DENND5A: variants seen among roughly 807,000 people sequenced by gnomAD.
The protein encoded by DENND5A is DENN domain containing 5A.
DENND5A carries 64 observed loss-of-function variants against 140.3 expected under a neutral mutation model. The ratio of observed to expected loss-of-function variants is 0.46; its 90% CI spans 0.37 to 0.56. The LOEUF (loss-of-function observed/expected upper bound fraction) is 0.56. Ranked by LOEUF, DENND5A falls within the 20% of genes least tolerant of loss-of-function variation. The pLI is 0.00. For missense variants in DENND5A, 1,292 were observed against 1,593.8 expected (o/e 0.81, Z 3.22); for synonymous variants, 605 against 607.7 (o/e 1.00, Z 0.07).
chr11:9,139,797 G>A lies in DENND5A; in HGVS notation c.3738C>T (p.His1246=). ...TGATCAGTGCCACATCCTCATACAT[G>A]TGTGCAGTGATGGGGCAGTCAGCCA... ...ALLADCPITA[H]MYEDVALIKD... The change falls in exon 23 of 23, where the codon CAC becomes CAT. Residue 1246 remains histidine (H), a synonymous_variant. Coordinates refer to ENST00000328194, the MANE Select transcript of DENND5A (RefSeq NM_015213.4). The A allele has an allele frequency of 1.2e-6, 2 of 1,614,176 alleles. No homozygotes were observed. The highest frequency in any genetic ancestry group is 8.5e-7 in the Non-Finnish European group (1 of 1,180,020).
intron 6 of DENND5A, 113 bp from the exon 7 acceptor site, chr11:9,179,186 C>A: frequency 1.1e-6 from 1 of 877,370 alleles, no homozygotes; most frequent in Non-Finnish European, 1.7e-6. Flanking sequence ...ATTTACTTAG[C>A]AGGAAATGAT....
At chr11:9,153,423 G>T (rs1847700505) in intron 12 of DENND5A, among the ~76,000 whole-genome samples, 1 of 148,908 alleles carries the variant, frequency 6.7e-6, no homozygotes, top group Non-Finnish European at 1.5e-5. Context: ...ATGTCAGCTT[G>T]ATGGCTTTTG....
chr11:9,249,165 T>C (rs973650888), intron 1 of DENND5A, among the ~76,000 whole-genome samples: 10 of 151,606 alleles, frequency 6.6e-5, no homozygotes, highest in Non-Finnish European at 1.2e-4. Context: ...GAGGTGGAGC[T>C]TGCAGTGAGC....
intron 1 of DENND5A, among the ~76,000 whole-genome samples, chr11:9,237,057 G>C (rs1401985181): frequency 1.3e-5 from 2 of 152,078 alleles, no homozygotes; most frequent in Non-Finnish European, 2.9e-5. Context: ...ACAATTCATA[G>C]AATAAACAAA....
intron 1 of DENND5A, among the ~76,000 whole-genome samples, chr11:9,211,318 C>G (rs916175733): frequency 6.6e-6 from 1 of 152,028 alleles, no homozygotes; most frequent in Non-Finnish European, 1.5e-5. Flanking sequence ...CCCTGAAACA[C>G]GCATGCATGG....
intron 11 of DENND5A, among the ~76,000 whole-genome samples, chr11:9,162,752 G>A (rs917550291): frequency 1.3e-5 from 2 of 152,016 alleles, no homozygotes; most frequent in African/African-American, 4.8e-5. Flanking sequence ...CTAGACTGGA[G>A]TGCAGTGGCT....
chr11:9,222,318 C>A (rs1240494900), intron 1 of DENND5A, among the ~76,000 whole-genome samples: 3 of 152,018 alleles, frequency 2.0e-5, no homozygotes, highest in Non-Finnish European at 4.4e-5. Flanking sequence ...TTTAACATAA[C>A]CTCAATACTA....
At position 9,236,235 on chromosome 11, in the gene DENND5A, A is replaced by C. The variant is rs550775298; in HGVS notation, c.110-28603T>G. 4.0e-4 allele frequency among the ~76,000 whole-genome samples: 58 copies of C among 145,748 alleles called. No homozygotes were observed. The South Asian group carries it at 0.011, about 28-fold the overall frequency. ...GAGACCCTGTCTCAAAAAAAAAAAA[A>C]AAACAAATAAAGTTCGCTGGGCGCA... On this transcript the variant is annotated intron_variant, in intron 1 of 22. Transcript: ENST00000328194.
chr11:9,175,354 A>G (rs1848513390), intron 8 of DENND5A: 1 of 152,174 alleles, frequency 6.6e-6, no homozygotes, highest in Non-Finnish European at 1.5e-5. Flanking sequence ...ATTAAAGATG[A>G]CCTAAATAAA....
intron 22 of DENND5A, among the ~76,000 whole-genome samples, chr11:9,141,618 G>A (rs898516222): frequency 1.3e-5 from 2 of 152,264 alleles, no homozygotes; most frequent in Admixed American, 1.3e-4. Flanking sequence ...GAATACCGTA[G>A]GCAACTAAAA....
intron 8 of DENND5A, among the ~76,000 whole-genome samples, chr11:9,174,671 G>T (rs1848491152): frequency 6.6e-6 from 1 of 151,916 alleles, no homozygotes; most frequent in Admixed American, 6.6e-5. Flanking sequence ...CTGCACTCTA[G>T]CCTGAGCAAC....
At chr11:9,205,967 T>G (rs577607070) in intron 3 of DENND5A, among the ~76,000 whole-genome samples, 2 of 152,194 alleles carry the variant, frequency 1.3e-5, no homozygotes, top group African/African-American at 4.8e-5. Flanking sequence ...CAGACTACAG[T>G]GCTCAAACTC....
At chr11:9,243,497 C>T (rs1430490131) in intron 1 of DENND5A, among the ~76,000 whole-genome samples, 2 of 152,150 alleles carry the variant, frequency 1.3e-5, no homozygotes, top group Admixed American at 1.3e-4. Context: ...GACAGTAAGA[C>T]CAACTCCTCC....
rs551762751 is a variant in DENND5A at position 9,251,062 on chromosome 11, G to C, written c.109+13899C>G. On this transcript the variant is annotated intron_variant, in intron 1 of 22. Coordinates refer to ENST00000328194, the MANE Select transcript of DENND5A (RefSeq NM_015213.4). ...AGGCAGGAGAATCGCTTGAACCCAGGAGGCAGAGGTTACAGTGCGCTGAGA... is the reference window on the plus strand; with the variant it reads ...AGGCAGGAGAATCGCTTGAACCCAGCAGGCAGAGGTTACAGTGCGCTGAGA... Among the ~76,000 whole-genome samples, 32 of 151,062 alleles carry C rather than the reference G, an allele frequency of 2.1e-4. No homozygotes were observed. The Middle Eastern group carries it at 0.01, about 48-fold the overall frequency.
chr11:9,169,360 T>A (rs1389923395), intron 10 of DENND5A, among the ~76,000 whole-genome samples: 1 of 152,074 alleles, frequency 6.6e-6, no homozygotes, highest in Non-Finnish European at 1.5e-5. Flanking sequence ...GCAGGGGAAT[T>A]GCTTGAACCC....
At chr11:9,168,989 G>T (rs1442323016) in intron 10 of DENND5A, among the ~76,000 whole-genome samples, 1 of 152,104 alleles carries the variant, frequency 6.6e-6, no homozygotes, top group African/African-American at 2.4e-5. Context: ...CAGCTTACAA[G>T]CAATGAAGAT....
chr11:9,163,212 A>C (rs1025435748), intron 11 of DENND5A, among the ~76,000 whole-genome samples: 1 of 152,200 alleles, frequency 6.6e-6, no homozygotes, highest in African/African-American at 2.4e-5. Context: ...CTTCTTGTAC[A>C]TATCTCTTGG....
intron 5 of DENND5A, among the ~76,000 whole-genome samples, chr11:9,185,845 T>C (rs974358846): frequency 6.6e-6 from 1 of 152,064 alleles, no homozygotes; most frequent in African/African-American, 2.4e-5. Context: ...TGTGTGTGTG[T>C]ATCTGTGTCT....
chr11:9,250,176 C>G (rs1296106850), intron 1 of DENND5A, among the ~76,000 whole-genome samples: 2 of 151,822 alleles, frequency 1.3e-5, no homozygotes, highest in African/African-American at 4.8e-5. Context: ...ATAGGCTACA[C>G]TGAGGGATTT....
Sources: allele counts gnomAD v4.1 joint callset (sites outside exome capture counted in the v4.1 genomes callset), GRCh38; gene constraint gnomAD v4.1.1; transcripts MANE v1.5; gene names NCBI Gene and HGNC (gene_info 2026-07-23, HGNC 2026-07-21).